Variants in BICC1 observed in about 807,000 individuals in gnomAD.
The protein encoded by BICC1 is BicC family RNA binding protein 1, also known as protein bicaudal C homolog 1.
In BICC1, 43 loss-of-function variants were observed where a neutral mutation model predicts 111.0. The ratio of observed to expected loss-of-function variants is 0.39; its 90% CI spans 0.30 to 0.50. The LOEUF (loss-of-function observed/expected upper bound fraction) is 0.50. Among genes scored for constraint, BICC1 ranks in the 20% least tolerant of loss-of-function variants. The pLI is 0.88. For missense variants in BICC1, 1,091 were observed against 1,203.2 expected (o/e 0.91, Z 1.38); for synonymous variants, 467 against 434.4 (o/e 1.07, Z -0.93).
At chr10:58,610,771 G>A (rs1004359279) in intron 1 of BICC1, among the ~76,000 whole-genome samples, 5 of 151,700 alleles carry the variant, frequency 3.3e-5, no homozygotes, top group African/African-American at 1.2e-4. Flanking sequence ...TTCTTTTTGC[G>A]GTTCACACAT....
intron 1 of BICC1, among the ~76,000 whole-genome samples, chr10:58,572,441 G>A (rs1843986737): frequency 1.3e-5 from 2 of 151,866 alleles, no homozygotes; most frequent in South Asian, 2.1e-4. Flanking sequence ...TTGTTTAATC[G>A]AACTGATATG....
Position 58,548,606 on chromosome 10 carries a change from A to G in BICC1, c.190+35273A>G, listed in dbSNP as rs957263680. 3.3e-5 allele frequency among the ~76,000 whole-genome samples: 5 copies of G among 152,286 alleles called. No homozygotes were observed. The South Asian group carries it at 1.0e-3, about 32-fold the overall frequency. On this transcript the variant is annotated intron_variant, in intron 1 of 20. Coordinates refer to ENST00000373886, the MANE Select transcript of BICC1 (RefSeq NM_001080512.3). ...ATCAAAGAGAATACTTTCATATCCTAAAAATCCAATGTGCTATATTTATTC... is the reference window on the plus strand; with the variant it reads ...ATCAAAGAGAATACTTTCATATCCTGAAAATCCAATGTGCTATATTTATTC...
At chr10:58,585,873 G>A (rs1844413301) in intron 1 of BICC1, among the ~76,000 whole-genome samples, 1 of 152,186 alleles carries the variant, frequency 6.6e-6, no homozygotes, top group African/African-American at 2.4e-5. Flanking sequence ...GGCCAAGGTA[G>A]ATTGTGGTTG....
chr10:58,555,346 C>T (rs1450433643), intron 1 of BICC1, among the ~76,000 whole-genome samples: 21 of 139,678 alleles, frequency 1.5e-4, no homozygotes, highest in African/African-American at 5.7e-4. Context: ...GGTGGCTGAC[C>T]CTAGGACGTA....
At chr10:58,806,365 G>A (rs901754935) in intron 15 of BICC1, among the ~76,000 whole-genome samples, 4 of 151,962 alleles carry the variant, frequency 2.6e-5, no homozygotes, top group African/African-American at 9.7e-5. Flanking sequence ...CAACCTTAAA[G>A]TCAGAAGTGG....
At chr10:58,618,785 T>A (rs1845703704) in intron 1 of BICC1, among the ~76,000 whole-genome samples, 1 of 152,238 alleles carries the variant, frequency 6.6e-6, no homozygotes, top group Admixed American at 6.5e-5. Flanking sequence ...TGTAGTAGCT[T>A]AAAACAACAG....
At chr10:58,767,054 A>G (rs933870412) in intron 3 of BICC1, among the ~76,000 whole-genome samples, 1 of 152,168 alleles carries the variant, frequency 6.6e-6, no homozygotes, top group Non-Finnish European at 1.5e-5. Flanking sequence ...CCCATGAGCT[A>G]GTTGGGATGC....
At chr10:58,689,769 A>G (rs1225659414) in intron 2 of BICC1, among the ~76,000 whole-genome samples, 1 of 152,198 alleles carries the variant, frequency 6.6e-6, no homozygotes, top group East Asian at 1.9e-4. Context: ...ACGGTGGTGT[A>G]AGCTGAGTAC....
chr10:58,585,626 T>C (rs1844407693), intron 1 of BICC1, among the ~76,000 whole-genome samples: 4 of 152,062 alleles, frequency 2.6e-5, no homozygotes, highest in Admixed American at 2.6e-4. Context: ...TTCTCCCTCC[T>C]CCCCCAGAAA....
chr10:58,804,083 C>T (rs1843638005), intron 15 of BICC1, among the ~76,000 whole-genome samples: 1 of 152,188 alleles, frequency 6.6e-6, no homozygotes, highest in Non-Finnish European at 1.5e-5. Flanking sequence ...AACTATATTA[C>T]TTTAATTCCA....
At chr10:58,519,086 A>C (rs887140436) in intron 1 of BICC1, among the ~76,000 whole-genome samples, 1 of 152,194 alleles carries the variant, frequency 6.6e-6, no homozygotes, top group Non-Finnish European at 1.5e-5. Flanking sequence ...GGGGCTAAGC[A>C]GTCCAGGCTC....
intron 2 of BICC1, among the ~76,000 whole-genome samples, chr10:58,691,147 A>T (rs1389843229): frequency 1.3e-5 from 2 of 152,198 alleles, no homozygotes; most frequent in East Asian, 1.9e-4. Flanking sequence ...TTCCTGAGAA[A>T]AACACTTCAT....
At position 58,804,756 on chromosome 10, in the gene BICC1, G is replaced by C. The variant is rs191357765; in HGVS notation, c.2181+1514G>C. On this transcript the variant is annotated intron_variant, in intron 15 of 20. Coordinates refer to ENST00000373886, the MANE Select transcript of BICC1 (RefSeq NM_001080512.3). ...GCATGTTCTTAATGTTTGAGTTTCA[G>C]CCTAACTCGATGTATTTATGTTGTT... Among the ~76,000 whole-genome samples the C allele has an allele frequency of 2.0e-5, 3 of 152,108 alleles. No individual in the cohort carries two copies. In the East Asian group the frequency reaches 5.8e-4, roughly 30 times the overall value.
chr10:58,680,882 A>C (rs1019361646), intron 2 of BICC1, among the ~76,000 whole-genome samples: 1 of 152,236 alleles, frequency 6.6e-6, no homozygotes, highest in Non-Finnish European at 1.5e-5. Flanking sequence ...GTCTACAACC[A>C]TCTGATCTTT....
chr10:58,713,342 G>GT (rs1429399191), intron 3 of BICC1, among the ~76,000 whole-genome samples: 1 of 152,040 alleles, frequency 6.6e-6, no homozygotes, highest in Non-Finnish European at 1.5e-5. Flanking sequence ...TCCATCTGCA[G>GT]TTTTTTCTTA....
intron 2 of BICC1, among the ~76,000 whole-genome samples, chr10:58,641,950 C>G (rs894972307): frequency 6.6e-6 from 1 of 152,034 alleles, no homozygotes; most frequent in East Asian, 1.9e-4. Context: ...TCTAAATGGC[C>G]ACATGTTTTC....
intron 20 of BICC1, chr10:58,823,896 T>G: frequency 6.1e-6 from 6 of 985,266 alleles, no homozygotes; most frequent in Non-Finnish European, 7.2e-6. Context: ...CTGTGTTTGT[T>G]TTTAACAAGA....
At position 58,823,454 on chromosome 10, in the gene BICC1, C is replaced by T. The variant is rs186792994; in HGVS notation, c.2794+2986C>T. On this transcript the variant is annotated intron_variant, in intron 20 of 20. Transcript: ENST00000373886. ...CTCTGGAAGATTTATCTCTGTGCAT[C>T]ACATTTAAAAACATATGTATGTACT... 770 of 984,164 alleles carry T rather than the reference C, an allele frequency of 7.8e-4. 4 individuals are homozygous for T. In the African/African-American group the frequency reaches 0.013, roughly 17 times the overall value. 61.0% of individuals were successfully genotyped at this position (984,164 alleles called of 1,614,324 possible). A position where few individuals can be genotyped will look rare whatever the true frequency, so the allele number is the denominator to read the frequency against.
At chr10:58,794,016 T>G (rs1843266962) in intron 9 of BICC1, among the ~76,000 whole-genome samples, 3 of 152,212 alleles carry the variant, frequency 2.0e-5, no homozygotes, top group Admixed American at 1.3e-4. Flanking sequence ...ATTTTCTTTA[T>G]ATATGTGTTG....
Sources: gnomAD v4.1 joint callset for allele counts (sites outside exome capture counted in the v4.1 genomes callset) on GRCh38, gnomAD v4.1.1 for gene constraint, MANE v1.5 for transcripts, NCBI Gene and HGNC (gene_info 2026-07-23, HGNC 2026-07-21) for gene names.